The following GNA14 variants were observed in gnomAD, a reference collection of about 807,000 sequenced individuals.
GNA14 encodes the protein G protein subunit alpha 14.
In GNA14, 50 loss-of-function variants were observed where a neutral mutation model predicts 42.0. The ratio of observed to expected loss-of-function variants is 1.19; its 90% confidence interval spans 0.95 to 1.51. The LOEUF is 1.51. Among genes scored for constraint, GNA14 ranks in the 40% most tolerant of loss-of-function variants. The pLI, the probability that GNA14 is intolerant of heterozygous loss-of-function variation, is 0.00. For missense variants in GNA14, 473 were observed against 446.2 expected, an observed-to-expected ratio of 1.06 and a Z score of -0.54; for synonymous variants, 173 against 163.1, an observed-to-expected ratio of 1.06 and a Z score of -0.46.
intron 1 of GNA14, among the ~76,000 whole-genome samples, chr9:77,546,215 CAAAAAAAA>C (rs764378681): frequency 7.0e-5 from 3 of 42,912 alleles, no homozygotes; most frequent in African/African-American, 1.4e-4. Context: ...AGCTCCATCT[CAAAAAAAA>C]AAAAAAAAAA....
chr9:77,636,034 G>C (rs1257349337), intron 1 of GNA14, among the ~76,000 whole-genome samples: 1 of 152,206 alleles, frequency 6.6e-6, no homozygotes, highest in Non-Finnish European at 1.5e-5. Flanking sequence ...AAACACAGGT[G>C]CATTTTGAGT....
chr9:77,490,391 C>T (rs1027195966), intron 2 of GNA14, among the ~76,000 whole-genome samples: 1 of 152,270 alleles, frequency 6.6e-6, no homozygotes, highest in African/African-American at 2.4e-5. Context: ...TCGCACTCCT[C>T]AGCCCTTGGG....
intron 2 of GNA14, among the ~76,000 whole-genome samples, chr9:77,501,520 C>G (rs1836970784): frequency 6.6e-6 from 1 of 152,124 alleles, no homozygotes; most frequent in Admixed American, 6.6e-5. Context: ...AATGCCTCTT[C>G]ATGTCTTTTG....
At chr9:77,505,724 C>T (rs1027383733) in intron 2 of GNA14, among the ~76,000 whole-genome samples, 1 of 152,166 alleles carries the variant, frequency 6.6e-6, no homozygotes, top group African/African-American at 2.4e-5. Context: ...AGAGGAAGGA[C>T]TACAGCTGTA....
At chr9:77,552,872 G>A (rs958251530) in intron 1 of GNA14, among the ~76,000 whole-genome samples, 19 of 152,146 alleles carry the variant, frequency 1.2e-4, no homozygotes, top group Non-Finnish European at 7.3e-5. Flanking sequence ...TCCATCCAGC[G>A]TTAAGCAGCA....
intron 2 of GNA14, among the ~76,000 whole-genome samples, chr9:77,519,408 C>T (rs1049608393): frequency 1.3e-5 from 2 of 151,714 alleles, no homozygotes; most frequent in African/African-American, 2.4e-5. Context: ...GAGACTCTGC[C>T]TCAAAAGAAG....
chr9:77,496,377 A>T (rs1296436019), intron 2 of GNA14, among the ~76,000 whole-genome samples: 2 of 152,220 alleles, frequency 1.3e-5, no homozygotes, highest in Non-Finnish European at 2.9e-5. Flanking sequence ...GTTACTAAGT[A>T]CCTTCAAGAA....
chr9:77,536,943 C>T (rs1359405601), intron 1 of GNA14, among the ~76,000 whole-genome samples: 1 of 152,046 alleles, frequency 6.6e-6, no homozygotes, highest in Non-Finnish European at 1.5e-5. Flanking sequence ...TTTACATCTG[C>T]ATGCATCTTT....
intron 2 of GNA14, among the ~76,000 whole-genome samples, chr9:77,499,687 T>TA (rs1242463893): frequency 2.6e-5 from 4 of 151,822 alleles, no homozygotes; most frequent in African/African-American, 9.7e-5. Context: ...CCGTCTCTAC[T>TA]AAAAATACAA....
chr9:77,599,867 T>A (rs1823527782), intron 1 of GNA14, among the ~76,000 whole-genome samples: 1 of 152,130 alleles, frequency 6.6e-6, no homozygotes, highest in East Asian at 1.9e-4. Context: ...ATAATGACAA[T>A]TAAATTTTAA....
intron 1 of GNA14, among the ~76,000 whole-genome samples, chr9:77,560,352 G>A (rs1489250039): frequency 7.1e-6 from 1 of 141,156 alleles, no homozygotes. Flanking sequence ...GCAGTGGCAC[G>A]ATCTCAGCTC....
intron 2 of GNA14, among the ~76,000 whole-genome samples, chr9:77,448,705 A>G (rs1835862230): frequency 6.6e-6 from 1 of 152,212 alleles, no homozygotes; most frequent in South Asian, 2.1e-4. Flanking sequence ...GCGTGTATGC[A>G]GCACCCATAA....
At position 77,589,392 on chromosome 9, in the gene GNA14, C is replaced by T. The variant is rs145968673; in HGVS notation, c.124+58278G>A. The stretch of plus-strand genomic sequence containing the variant: ...TGCAAAATGGAGTGAGCTCGGTTTT[C>T]TTTTTTTGTTTTGTTTTTTTGTTTG... On this transcript the variant is annotated intron_variant, in intron 1 of 6. Coordinates refer to ENST00000341700, the MANE Select transcript of GNA14 (RefSeq NM_004297.4). Among the ~76,000 whole-genome samples the T allele has an allele frequency of 4.4e-3, 676 of 152,158 alleles. 3 individuals are homozygous for T. Among genetic ancestry groups the T allele is most frequent in the African/African-American group, 0.014 (581 of 41,536 alleles).
chr9:77,438,049 G>A (rs370942255), intron 2 of GNA14, among the ~76,000 whole-genome samples: 6 of 152,116 alleles, frequency 3.9e-5, no homozygotes, highest in South Asian at 2.1e-4. Context: ...ATATAGATAT[G>A]ACCTCTCAGG....
At chr9:77,514,636 CAG>C (rs1247213351) in intron 2 of GNA14, among the ~76,000 whole-genome samples, 11 of 133,896 alleles carry the variant, frequency 8.2e-5, no homozygotes, top group African/African-American at 2.0e-4. Context: ...TTTTTTGAGA[CAG>C]AGTCTCACTC....
chr9:77,490,867 G>T (rs886379436), intron 2 of GNA14, among the ~76,000 whole-genome samples: 1 of 152,252 alleles, frequency 6.6e-6, no homozygotes. Context: ...CTCAAGTGCC[G>T]CTGAAGTGGT....
At chr9:77,524,152 A>G (rs1001297550) in intron 2 of GNA14, among the ~76,000 whole-genome samples, 4 of 152,260 alleles carry the variant, frequency 2.6e-5, no homozygotes, top group African/African-American at 9.6e-5. Context: ...TTATCAACAG[A>G]GTGAGCAAAT....
intron 1 of GNA14, among the ~76,000 whole-genome samples, chr9:77,558,720 G>C (rs910434228): frequency 6.6e-6 from 1 of 152,056 alleles, no homozygotes; most frequent in Non-Finnish European, 1.5e-5. Flanking sequence ...AAAAGGCTAG[G>C]GTGGGGTAGA....
intron 1 of GNA14, among the ~76,000 whole-genome samples, chr9:77,570,803 G>A (rs1283460004): frequency 1.3e-5 from 2 of 152,002 alleles, no homozygotes; most frequent in African/African-American, 4.8e-5. Context: ...ACCTTTTGTG[G>A]AATTACCACA....
Sources: gnomAD v4.1 joint callset for allele counts (sites outside exome capture counted in the v4.1 genomes callset) on GRCh38, gnomAD v4.1.1 for gene constraint, MANE v1.5 for transcripts, NCBI Gene and HGNC (gene_info 2026-07-23, HGNC 2026-07-21) for gene names.